The following BOLL variants were observed in gnomAD, a reference collection of about 807,000 sequenced individuals.
BOLL encodes protein boule-like.
A neutral mutation model predicts 44.4 loss-of-function variants in BOLL; 23 were observed. The ratio of observed to expected loss-of-function variants is 0.52; its 90% CI spans 0.37 to 0.73. BOLL has a LOEUF of 0.73. Ranked by LOEUF, BOLL falls within the 30% of genes least tolerant of loss-of-function variation. The pLI, the probability that BOLL is intolerant of heterozygous loss-of-function variation, is 0.00. For synonymous variants in BOLL, 97 were observed against 110.8 expected (o/e 0.88, Z 0.78); for missense variants, 287 against 338.3 (o/e 0.85, Z 1.19).
Position 197,781,841 on chromosome 2 carries a change from C to G in BOLL, c.10G>C (p.Asp4His), listed in dbSNP as rs1184846631. 2 of 1,601,786 alleles carry G rather than the reference C, an allele frequency of 1.2e-6. No individual in the cohort carries two copies. Among genetic ancestry groups the G allele is most frequent in the Admixed American group, 1.7e-5 (1 of 59,730 alleles). The change falls in exon 2 of 11, where the codon GAT (aspartate) becomes CAT (histidine). Residue 4 changes from aspartate to histidine, a missense_variant. Coordinates refer to ENST00000392296, the MANE Select transcript of BOLL (RefSeq NM_033030.6). ...GGATTAGGGGATGGAGATAATGAAT[C>G]TGTTTGCATCTGGTTTGATGTTTGC... is the stretch of plus-strand genomic sequence containing the variant. The part of the protein sequence containing the change: MQT[D>H]SLSPSPNPVS...
intron 9 of BOLL, among the ~76,000 whole-genome samples, chr2:197,747,961 T>C (rs1688061541): frequency 6.6e-6 from 1 of 152,182 alleles, no homozygotes; most frequent in South Asian, 2.1e-4. Flanking sequence ...CAGGGCAAGA[T>C]GGCCAAATAG....
intron 9 of BOLL, among the ~76,000 whole-genome samples, chr2:197,746,899 GAAAAAA>G (rs35300403): frequency 2.1e-5 from 2 of 94,106 alleles, no homozygotes; most frequent in African/African-American, 8.5e-5. Flanking sequence ...ACTCTGTCTC[GAAAAAA>G]AAAAAAAAAA....
At chr2:197,767,142 T>C (rs1689037131) in intron 6 of BOLL, among the ~76,000 whole-genome samples, 1 of 152,030 alleles carries the variant, frequency 6.6e-6, no homozygotes, top group South Asian at 2.1e-4. Flanking sequence ...TTGATAAACT[T>C]ACAAGTGAAA....
In BOLL at chr2:197,785,121, T is replaced by A. The variant is rs906110401; in HGVS notation, c.-81A>T. On this transcript the variant is annotated 5_prime_UTR_variant, in exon 1 of 11. Coordinates refer to ENST00000392296, the MANE Select transcript of BOLL (RefSeq NM_033030.6). The surrounding 1 kb of genome is among the most constrained non-coding windows in gnomAD (Gnocchi z 6.7). The stretch of plus-strand genomic sequence containing the variant: ...CAGCAAGTTGCGGCACTGGGGGAAA[T>A]GGCCGCGGCGACAACTTCCTCGAGT... 32 of 985,802 alleles carry A rather than the reference T, an allele frequency of 3.2e-5. No individual in the cohort carries two copies. In the East Asian group the frequency reaches 3.3e-3, roughly 100 times the overall value. The allele number at this position is 985,802 out of a possible 1,614,324, so 61.1% of individuals were successfully genotyped here.
chr2:197,744,563 G>A (rs935013407), intron 9 of BOLL, among the ~76,000 whole-genome samples: 7 of 152,204 alleles, frequency 4.6e-5, no homozygotes, highest in African/African-American at 1.7e-4. Context: ...TTCAGCAGGT[G>A]AGGAGTGAAT....
intron 5 of BOLL, 38 bp downstream of exon 5, chr2:197,775,627 C>A: frequency 7.8e-7 from 1 of 1,280,922 alleles, no homozygotes; most frequent in Non-Finnish European, 1.1e-6. Context: ...AAGAACCATG[C>A]AAAAATATTT....
At position 197,728,138 on chromosome 2, in the gene BOLL, A is replaced by AG. The variant is rs1202586701; in HGVS notation, c.*416_*417insC. 4.3e-6 allele frequency: 1 copy of AG among 231,018 alleles called. No homozygotes were observed. The highest frequency in any genetic ancestry group is 8.3e-6 in the Non-Finnish European group (1 of 120,560). The allele number at this position is 231,018 out of a possible 1,614,324, so 14.3% of individuals were successfully genotyped here. A position where few individuals can be genotyped will look rare whatever the true frequency, so the allele number is the denominator to read the frequency against. ...AGTATTAAAAGTATTATAATTAAAA[A>AG]TGATTCTTATCCTAAATATGAAAAT... On this transcript the variant is annotated 3_prime_UTR_variant, in exon 11 of 11. Coordinates refer to ENST00000392296, the MANE Select transcript of BOLL (RefSeq NM_033030.6).
intron 7 of BOLL, among the ~76,000 whole-genome samples, chr2:197,765,242 G>C (rs1335889903): frequency 6.6e-6 from 1 of 151,730 alleles, no homozygotes; most frequent in African/African-American, 2.4e-5. Context: ...TATACTGCTC[G>C]GGTGATGGGT....
Position 197,749,286 on chromosome 2 carries a change from C to G in BOLL, c.730-6127G>C, listed in dbSNP as rs186253075. Reference sequence around the variant, plus strand: ...TAAATCCACAAAGATGAGGAAAAACCAGCACAAAAAGGCTGAAAATTCCAA... The same window carrying G: ...TAAATCCACAAAGATGAGGAAAAACGAGCACAAAAAGGCTGAAAATTCCAA... On this transcript the variant is annotated intron_variant, in intron 9 of 10. Coordinates refer to ENST00000392296, the MANE Select transcript of BOLL (RefSeq NM_033030.6). 9.9e-5 allele frequency among the ~76,000 whole-genome samples: 15 copies of G among 152,212 alleles called. No individual in the cohort carries two copies. In the East Asian group the frequency reaches 2.5e-3, roughly 26 times the overall value.
chr2:197,773,773 C>A (rs987535997), intron 5 of BOLL, among the ~76,000 whole-genome samples: 10 of 151,728 alleles, frequency 6.6e-5, no homozygotes, highest in African/African-American at 1.5e-4. Context: ...GAGCATAAGA[C>A]AATAAGAGGT....
At chr2:197,752,941 G>A (rs1471448263) in intron 9 of BOLL, among the ~76,000 whole-genome samples, 1 of 152,068 alleles carries the variant, frequency 6.6e-6, no homozygotes. Flanking sequence ...GCATGGTACT[G>A]GTACCAAAAC....
intron 9 of BOLL, among the ~76,000 whole-genome samples, chr2:197,751,724 G>C (rs1343076650): frequency 3.9e-5 from 6 of 151,946 alleles, no homozygotes; most frequent in Non-Finnish European, 5.9e-5. Flanking sequence ...GTACAAAGAG[G>C]AGCTAGTACC....
chr2:197,785,000 C>A, intron 1 of BOLL, 56 bp downstream of exon 1: 1 of 985,992 alleles, frequency 1.0e-6, no homozygotes, highest in Non-Finnish European at 1.2e-6. Flanking sequence ...TGAGAATCAA[C>A]CTCGAGATCT....
rs1039018367 is a variant in BOLL at position 197,756,667 on chromosome 2, T to G, written c.601-111A>C. The G allele has an allele frequency of 3.2e-5, 36 of 1,109,758 alleles. No homozygotes were observed. The African/African-American group carries it at 5.5e-4, about 17-fold the overall frequency. The allele number at this position is 1,109,758 out of a possible 1,614,324, so 68.7% of individuals were successfully genotyped here. A position where few individuals can be genotyped will look rare whatever the true frequency, so the allele number is the denominator to read the frequency against. ...ACTTGTTTTTTATTTTACTAAATTT[T>G]TTTTTAGGAATAGCACAGAAGTATC... On this transcript the variant is annotated intron_variant, in intron 8 of 10. Coordinates refer to ENST00000392296, the MANE Select transcript of BOLL (RefSeq NM_033030.6).
At chr2:197,770,941 G>A (rs977040796) in intron 6 of BOLL, among the ~76,000 whole-genome samples, 1 of 152,068 alleles carries the variant, frequency 6.6e-6, no homozygotes, top group South Asian at 2.1e-4. Context: ...TCAGTGTGGC[G>A]ATTTCTCAAG....
In BOLL at chr2:197,781,831, G is replaced by C. The variant is rs961844032; in HGVS notation, c.20C>G (p.Ser7Cys). The change falls in exon 2 of 11, where the codon TCT becomes TGT. Residue 7 changes from serine to cysteine, a missense_variant. Physicochemically the swap from Ser to Cys is moderately radical, Grantham distance 112. Coordinates refer to ENST00000392296, the MANE Select transcript of BOLL (RefSeq NM_033030.6). ...AGGTGACACAGGATTAGGGGATGGA[G>C]ATAATGAATCTGTTTGCATCTGGTT... MQTDSL[S>C]PSPNPVSPVP... 2.5e-6 allele frequency: 4 copies of C among 1,603,658 alleles called. No homozygotes were observed. Among genetic ancestry groups the C allele is most frequent in the African/African-American group, 2.7e-5 (2 of 74,784 alleles).
chr2:197,775,240 C>A (rs568060638), intron 5 of BOLL, among the ~76,000 whole-genome samples: 1 of 151,942 alleles, frequency 6.6e-6, no homozygotes, highest in Non-Finnish European at 1.5e-5. Context: ...GGTTACAGTA[C>A]ACAGCATGCA....
chr2:197,765,161 G>A (rs1688934115), intron 7 of BOLL, among the ~76,000 whole-genome samples: 1 of 151,974 alleles, frequency 6.6e-6, no homozygotes, highest in South Asian at 2.1e-4. Flanking sequence ...ATGATACAAT[G>A]GACTTTGGAG....
At position 197,785,317 on chromosome 2, in the gene BOLL, G is replaced by C. The variant is rs1462903601; in HGVS notation, c.-277C>G. On this transcript the variant is annotated 5_prime_UTR_variant, in exon 1 of 11. Transcript: ENST00000392296. The surrounding 1 kb of genome is among the most constrained non-coding windows in gnomAD (Gnocchi z 6.7). ...GACCCCGCCGCTGGCCTCGTGCGCA[G>C]CTGGTCCCCACCCTCGCGCGGCGCT... 2.0e-6 allele frequency: 2 copies of C among 985,632 alleles called. No individual in the cohort carries two copies. Among genetic ancestry groups the C allele is most frequent in the Non-Finnish European group, 2.4e-6 (2 of 829,976 alleles). The allele number at this position is 985,632 out of a possible 1,614,324, so 61.1% of individuals were successfully genotyped here. A position where few individuals can be genotyped will look rare whatever the true frequency, so the allele number is the denominator to read the frequency against.
Sources: gnomAD v4.1 joint callset for allele counts (sites outside exome capture counted in the v4.1 genomes callset) on GRCh38, gnomAD v4.1.1 for gene constraint, Gnocchi (gnomAD v3.1) non-coding constraint, MANE v1.5 for transcripts, NCBI Gene and HGNC (gene_info 2026-07-23, HGNC 2026-07-21) for gene names.